Variants in HERC1 observed in about 807,000 individuals in gnomAD.
HERC1 encodes the protein probable E3 ubiquitin-protein ligase HERC1.
Under a neutral mutation model 554.3 loss-of-function variants are expected in HERC1, and 160 were observed. The ratio of observed to expected loss-of-function variants is 0.29; its 90% confidence interval spans 0.25 to 0.33. HERC1 has a LOEUF of 0.33. Among genes scored for constraint, HERC1 ranks in the 10% least tolerant of loss-of-function variants. The pLI is 1.00. For missense variants in HERC1, 4,919 were observed against 5,918.5 expected (o/e 0.83, Z 5.54); for synonymous variants, 2,175 against 2,131.7 (o/e 1.02, Z -0.56).
chr15:63,808,693 C>G (rs1355712483), intron 1 of HERC1, among the ~76,000 whole-genome samples: 3 of 152,120 alleles, frequency 2.0e-5, no homozygotes, highest in East Asian at 3.8e-4. Context: ...ACAATTAATC[C>G]AGAAATGCAA....
intron 1 of HERC1, among the ~76,000 whole-genome samples, chr15:63,807,330 G>A (rs1002898225): frequency 6.6e-6 from 1 of 152,092 alleles, no homozygotes; most frequent in African/African-American, 2.4e-5. Flanking sequence ...GAAATGGGAG[G>A]ATGAGAAGTA....
In HERC1 at chr15:63,658,647, T is replaced by C; in HGVS notation, c.9496A>G (p.Asn3166Asp). 3 of 1,613,930 alleles carry C rather than the reference T, an allele frequency of 1.9e-6. No homozygotes were observed. Among genetic ancestry groups the C allele is most frequent in the Non-Finnish European group, 2.5e-6 (3 of 1,179,818 alleles). Reference sequence around the variant, plus strand: ...AAAGCCACCACACGGTCATGAGGGTTTGCTAGGGCAGCTGCCTGCTCTCCT... The same window carrying C: ...AAAGCCACCACACGGTCATGAGGGTCTGCTAGGGCAGCTGCCTGCTCTCCT... ...TLGEQAAALA[N>D]PHDRVVALRR... is the part of the protein sequence containing the mutation. Residue 3166 changes from asparagine (N) to aspartate (D), a missense_variant, in exon 48 of 78, where the codon AAC (asparagine) becomes GAC (aspartate). Physicochemically the swap from Asn to Asp is conservative, Grantham distance 23. Around this residue, in one of 11 missense-constraint regions of HERC1, gnomAD observed 1,963 missense variants for 2,228.6 expected, o/e 0.88. Transcript: ENST00000443617.
chr15:63,654,207 T>C lies in HERC1; in HGVS notation c.10202A>G (p.Asp3401Gly), dbSNP rs771134369. 2.5e-6 allele frequency: 4 copies of C among 1,614,054 alleles called. No individual in the cohort carries two copies. Among genetic ancestry groups the C allele is most frequent in the Non-Finnish European group, 3.4e-6 (4 of 1,179,876 alleles). Residue 3401 changes from aspartate (D) to glycine (G), a missense_variant, in exon 51 of 78, where the codon GAC (aspartate) becomes GGC (glycine). By Grantham distance (94) the Asp-to-Gly change is moderately conservative (BLOSUM62 -1). Around this residue, in one of 11 missense-constraint regions of HERC1, gnomAD observed 1,963 missense variants for 2,228.6 expected, o/e 0.88. Transcript: ENST00000443617. Reference sequence around the variant, plus strand: ...AAGTGTCTGCAGAGTAGTTTGGTTGTCACGGTCGTGTGCAGCAAGAGTGCG... The same window carrying C: ...AAGTGTCTGCAGAGTAGTTTGGTTGCCACGGTCGTGTGCAGCAAGAGTGCG... ...LVRTLAAHDR[D>G]NQTTLQTLAD...
At position 63,734,966 on chromosome 15, in the gene HERC1, A is replaced by G; in HGVS notation, c.2521-117T>C. 1.2e-6 allele frequency: 1 copy of G among 850,040 alleles called. No individual in the cohort carries two copies. Among genetic ancestry groups the G allele is most frequent in the South Asian group, 1.8e-5 (1 of 54,392 alleles). The allele number at this position is 850,040 out of a possible 1,614,324, so 52.7% of individuals were successfully genotyped here. On this transcript the variant is annotated intron_variant, in intron 12 of 77. Transcript: ENST00000443617. The surrounding 1 kb of genome is among the most constrained non-coding windows in gnomAD (Gnocchi z 4.6). ...ATGTAAGTCTAAAAAAGATGGCATGATAAAAAAGAAAGCATGCAAGTCCTC... is the reference window on the plus strand; with the variant it reads ...ATGTAAGTCTAAAAAAGATGGCATGGTAAAAAAGAAAGCATGCAAGTCCTC...
rs1481664553 is a variant in HERC1, at chr15:63,690,584, A to C, written c.5894T>G (p.Leu1965Arg). The part of the protein sequence containing the change: ...LLALHVLEAV[L>R]PACESGVEDD... The stretch of plus-strand genomic sequence containing the variant: ...TTCTACACCAGATTCACAAGCTGGC[A>C]GCACAGCTTCAAGGACATGAAGTGC... The change falls in exon 32 of 78, where the codon CTG becomes CGG. Residue 1965 changes from leucine (L) to arginine (R), a missense_variant. By Grantham distance (102) the Leu-to-Arg change is moderately radical. Coordinates refer to ENST00000443617, the MANE Select transcript of HERC1 (RefSeq NM_003922.4). 6.2e-7 allele frequency: 1 copy of C among 1,613,390 alleles called. No individual in the cohort carries two copies. The highest frequency in any genetic ancestry group is 8.5e-7 in the Non-Finnish European group (1 of 1,179,540).
intron 1 of HERC1, among the ~76,000 whole-genome samples, chr15:63,795,469 C>T (rs1003495319): frequency 6.6e-6 from 1 of 151,984 alleles, no homozygotes; most frequent in African/African-American, 2.4e-5. Context: ...AGAAAATTAA[C>T]ATTTAATTGG....
rs922697398 is a variant in HERC1 at position 63,758,552 on chromosome 15, T to C, written c.1027-183A>G. 2.0e-5 allele frequency among the ~76,000 whole-genome samples: 3 copies of C among 152,092 alleles called. No individual in the cohort carries two copies. The highest frequency in any genetic ancestry group is 4.8e-5 in the African/African-American group (2 of 41,400). On this transcript the variant is annotated intron_variant, in intron 3 of 77. Coordinates refer to ENST00000443617, the MANE Select transcript of HERC1 (RefSeq NM_003922.4). This position sits in a 1 kb window ranked among gnomAD's most constrained non-coding sequence, Gnocchi z 4.0. ...GGAATAAACCACTAAAAGACGCTAA[T>C]GAAGTGGCAAAAGTGGGAAACGGGA...
At chr15:63,714,737 T>C (rs141069702) in intron 22 of HERC1, among the ~76,000 whole-genome samples, 3,753 of 151,726 alleles carry the variant, frequency 0.025, 149 homozygotes, top group African/African-American at 0.087. Flanking sequence ...TTAGTAGAGA[T>C]GGGGTTTCAC....
At chr15:63,611,020 G>A (rs2067564100) in intron 77 of HERC1, among the ~76,000 whole-genome samples, 1 of 152,210 alleles carries the variant, frequency 6.6e-6, no homozygotes, top group Non-Finnish European at 1.5e-5. Flanking sequence ...GCATCTAGGA[G>A]GGGTTCTTGG....
intron 22 of HERC1, 76 bp from the exon 23 acceptor site, chr15:63,713,741 C>A: frequency 7.3e-7 from 1 of 1,373,078 alleles, no homozygotes; most frequent in Non-Finnish European, 9.8e-7. Flanking sequence ...TAAAAATAGT[C>A]AAAAAGTTTG....
chr15:63,749,226 T>C lies in HERC1; in HGVS notation c.2219+141A>G, dbSNP rs1410673017. ...AAGAAATCTAATGTCATTTCTATGA[T>C]AGAGAAAAAGCAATACTATATATGT... On this transcript the variant is annotated intron_variant, in intron 10 of 77. Transcript: ENST00000443617. The surrounding 1 kb of genome is among the most constrained non-coding windows in gnomAD (Gnocchi z 4.1). The C allele has an allele frequency of 9.7e-6, 6 of 618,008 alleles. No homozygotes were observed. Among genetic ancestry groups the C allele is most frequent in the African/African-American group, 1.9e-5 (1 of 52,514 alleles). The allele number at this position is 618,008 out of a possible 1,614,324, so 38.3% of individuals were successfully genotyped here.
chr15:63,742,623 T>C (rs1015583921), intron 12 of HERC1, among the ~76,000 whole-genome samples: 2 of 152,324 alleles, frequency 1.3e-5, no homozygotes, highest in East Asian at 3.9e-4. Context: ...GATGCCCTTT[T>C]CAGGTTAAGA....
intron 1 of HERC1, among the ~76,000 whole-genome samples, chr15:63,815,171 C>G (rs1379044564): frequency 1.3e-5 from 2 of 152,182 alleles, no homozygotes; most frequent in Non-Finnish European, 2.9e-5. Context: ...ACATTCGTCT[C>G]TTATGGCTCT....
chr15:63,706,794 G>C lies in HERC1; in HGVS notation c.4622C>G (p.Ser1541Cys). 3 of 1,542,496 alleles carry C rather than the reference G, an allele frequency of 1.9e-6. No homozygotes were observed. Among genetic ancestry groups the C allele is most frequent in the Non-Finnish European group, 2.6e-6 (3 of 1,139,940 alleles). ...CTTACACTTACCTCTCTTTCTGTGA[G>C]ATGCTGCCAAATCCAAATCAACATT... Reference protein sequence around the residue: ...RRNVDLDLAASHRKRGPMHSQ... With the variant: ...RRNVDLDLAACHRKRGPMHSQ... Residue 1541 changes from serine to cysteine, a missense_variant, in exon 25 of 78, where the codon TCT becomes TGT. Ser to Cys is a moderately radical substitution (Grantham distance 112). This residue lies in a region of HERC1 where 1,121 missense variants were observed against 1,244.0 expected (regional missense o/e 0.90). Transcript: ENST00000443617.
Position 63,733,124 on chromosome 15 carries a change from G to A in HERC1, c.2668C>T (p.Leu890=), listed in dbSNP as rs748525764. 3 of 1,612,836 alleles carry A rather than the reference G, an allele frequency of 1.9e-6. No individual in the cohort carries two copies. Among genetic ancestry groups the A allele is most frequent in the Non-Finnish European group, 2.5e-6 (3 of 1,178,886 alleles). The change falls in exon 14 of 78, where the codon CTG becomes TTG. Residue 890 remains leucine, a synonymous_variant. Coordinates refer to ENST00000443617, the MANE Select transcript of HERC1 (RefSeq NM_003922.4). ...KGQRMQLDII[L]TSLQDHTHVA... is the part of the protein sequence containing the mutation. ...TGGGTATGATCTTGCAAACTTGTCA[G>A]GATGATATCCAGTTGCATTCTCTAA... is the stretch of plus-strand genomic sequence containing the variant.
intron 1 of HERC1, among the ~76,000 whole-genome samples, chr15:63,818,254 C>T (rs997677643): frequency 6.6e-6 from 1 of 152,020 alleles, no homozygotes; most frequent in Non-Finnish European, 1.5e-5. Flanking sequence ...TCTTTCTAGT[C>T]CTATGGGCCT....
chr15:63,638,574 A>G (rs1178813893), intron 62 of HERC1, 38 bp from the exon 63 acceptor site: 1 of 1,613,482 alleles, frequency 6.2e-7, no homozygotes, highest in Non-Finnish European at 8.5e-7. Flanking sequence ...AGAGTCATCC[A>G]TTCACTCAAA....
chr15:63,680,886 G>A lies in HERC1; in HGVS notation c.6226-110C>T, dbSNP rs1227714178. ...TTATAAATAATACTAATGCATTTAT[G>A]GAAACATGTTATTTTCAGCATAAAT... On this transcript the variant is annotated intron_variant, in intron 34 of 77. Coordinates refer to ENST00000443617, the MANE Select transcript of HERC1 (RefSeq NM_003922.4). The surrounding 1 kb of genome is among the most constrained non-coding windows in gnomAD (Gnocchi z 5.8). 1 of 661,750 alleles carries A rather than the reference G, an allele frequency of 1.5e-6. No homozygotes were observed. The highest frequency in any genetic ancestry group is 2.5e-6 in the Non-Finnish European group (1 of 392,516). The allele number at this position is 661,750 out of a possible 1,614,324, so 41.0% of individuals were successfully genotyped here. A position where few individuals can be genotyped will look rare whatever the true frequency, so the allele number is the denominator to read the frequency against.
chr15:63,753,751 C>T (rs2075326908), intron 7 of HERC1, among the ~76,000 whole-genome samples: 1 of 151,978 alleles, frequency 6.6e-6, no homozygotes, highest in Admixed American at 6.6e-5. Context: ...GTTGTTAATA[C>T]TGAAAAAAAT....
Sources: allele counts gnomAD v4.1 joint callset (sites outside exome capture counted in the v4.1 genomes callset), GRCh38; gene constraint gnomAD v4.1.1; regional missense constraint gnomAD v4.1.1; non-coding constraint Gnocchi (gnomAD v3.1); transcripts MANE v1.5; gene names NCBI Gene and HGNC (gene_info 2026-07-23, HGNC 2026-07-21).